The following MACROD2 variants were observed in gnomAD, a reference collection of about 807,000 sequenced individuals.
MACROD2 encodes the protein mono-ADP ribosylhydrolase 2.
A neutral mutation model predicts 70.4 loss-of-function variants in MACROD2; 36 were observed. That is an observed-to-expected ratio of 0.51 (90% CI 0.39 to 0.68). MACROD2 has a LOEUF of 0.68. Among genes scored for constraint, MACROD2 ranks in the 30% least tolerant of loss-of-function variants. MACROD2 has a pLI of 0.00. For synonymous variants in MACROD2, 172 were observed against 178.8 expected, an observed-to-expected ratio of 0.96 and a Z score of 0.30; for missense variants, 496 against 538.4, an observed-to-expected ratio of 0.92 and a Z score of 0.78.
At chr20:15,800,827 C>T (rs1358381083) in intron 8 of MACROD2, among the ~76,000 whole-genome samples, 1 of 151,906 alleles carries the variant, frequency 6.6e-6, no homozygotes, top group Non-Finnish European at 1.5e-5. Flanking sequence ...GGAGACTTTT[C>T]ATTTTGTTCT....
intron 3 of MACROD2, among the ~76,000 whole-genome samples, chr20:14,409,212 G>A (rs1415445464): frequency 1.4e-5 from 2 of 143,800 alleles, no homozygotes; most frequent in African/African-American, 5.2e-5. Flanking sequence ...TAGGTCCTCA[G>A]TAAATGTTTA....
intron 4 of MACROD2, among the ~76,000 whole-genome samples, chr20:14,546,123 A>G (rs1204603616): frequency 6.6e-6 from 1 of 152,210 alleles, no homozygotes; most frequent in African/African-American, 2.4e-5. Flanking sequence ...TCTCCCTATT[A>G]ATTTTCAAAG....
At chr20:14,469,706 G>T (rs2084503938) in intron 3 of MACROD2, among the ~76,000 whole-genome samples, 1 of 151,304 alleles carries the variant, frequency 6.6e-6, no homozygotes. Context: ...CCTTTCTTCT[G>T]CTTGATCAAT....
chr20:15,831,064 A>G (rs898780237), intron 8 of MACROD2, among the ~76,000 whole-genome samples: 1 of 152,208 alleles, frequency 6.6e-6, no homozygotes, highest in Non-Finnish European at 1.5e-5. Flanking sequence ...GAATTTTGAA[A>G]TATGAAGACA....
At chr20:14,794,245 GT>G (rs1284650131) in intron 5 of MACROD2, among the ~76,000 whole-genome samples, 7 of 152,102 alleles carry the variant, frequency 4.6e-5, no homozygotes, top group African/African-American at 1.7e-4. Context: ...AACATTTGTA[GT>G]TATATACTCA....
intron 5 of MACROD2, among the ~76,000 whole-genome samples, chr20:15,099,355 A>G (rs2075855598): frequency 6.6e-6 from 1 of 152,124 alleles, no homozygotes; most frequent in Admixed American, 6.6e-5. Context: ...CCTTAGAAGA[A>G]GTGCCCTTAT....
At chr20:14,985,685 CTTT>C (rs57486090) in intron 5 of MACROD2, among the ~76,000 whole-genome samples, 3 of 115,338 alleles carry the variant, frequency 2.6e-5, no homozygotes, top group Non-Finnish European at 2.0e-5. Flanking sequence ...TTCTCTTATT[CTTT>C]TTTTTTTTTT....
chr20:14,392,183 C>T (rs1194150243), intron 3 of MACROD2, among the ~76,000 whole-genome samples: 1 of 151,976 alleles, frequency 6.6e-6, no homozygotes, highest in Admixed American at 6.6e-5. Context: ...GATAATTGAA[C>T]TTGATATATT....
At chr20:15,572,902 G>T (rs1260660237) in intron 8 of MACROD2, among the ~76,000 whole-genome samples, 4 of 151,986 alleles carry the variant, frequency 2.6e-5, no homozygotes, top group Non-Finnish European at 5.9e-5. Flanking sequence ...TTTAACTACA[G>T]AAAAATTCAA....
At chr20:15,668,996 G>A (rs904545327) in intron 8 of MACROD2, among the ~76,000 whole-genome samples, 7 of 152,098 alleles carry the variant, frequency 4.6e-5, no homozygotes, top group African/African-American at 9.7e-5. Context: ...ACACATAAAC[G>A]TTAAAAACCC....
chr20:14,478,556 C>T (rs2084624826), intron 3 of MACROD2, among the ~76,000 whole-genome samples: 1 of 152,000 alleles, frequency 6.6e-6, no homozygotes, highest in Non-Finnish European at 1.5e-5. Flanking sequence ...ATTTGGGGTT[C>T]ACTTCATGAA....
At chr20:15,636,916 A>G (rs1462382332) in intron 8 of MACROD2, among the ~76,000 whole-genome samples, 1 of 152,180 alleles carries the variant, frequency 6.6e-6, no homozygotes, top group Non-Finnish European at 1.5e-5. Context: ...ACAGAGAGGT[A>G]AGAAATTTTT....
intron 3 of MACROD2, among the ~76,000 whole-genome samples, chr20:14,353,948 G>A (rs371663930): frequency 7.9e-5 from 12 of 152,106 alleles, no homozygotes; most frequent in African/African-American, 2.2e-4. Context: ...ATACCTTTAG[G>A]AAGGAAGAAG....
chr20:15,607,263 G>T (rs1403655571), intron 8 of MACROD2, among the ~76,000 whole-genome samples: 1 of 152,188 alleles, frequency 6.6e-6, no homozygotes, highest in Admixed American at 6.5e-5. Context: ...TATCCCCATT[G>T]CCTTCTGACA....
chr20:15,880,540 A>G (rs1435842945), intron 9 of MACROD2, among the ~76,000 whole-genome samples: 1 of 151,892 alleles, frequency 6.6e-6, no homozygotes, highest in African/African-American at 2.4e-5. Context: ...GTTAAGCTCT[A>G]AGCCAGTTAC....
At chr20:15,740,563 A>G (rs1343387679) in intron 8 of MACROD2, among the ~76,000 whole-genome samples, 4 of 152,092 alleles carry the variant, frequency 2.6e-5, no homozygotes, top group Admixed American at 6.5e-5. Context: ...TCCTAAAGCT[A>G]TACTTCTTGT....
At chr20:14,856,838 T>C (rs1033766335) in intron 5 of MACROD2, among the ~76,000 whole-genome samples, 1 of 152,088 alleles carries the variant, frequency 6.6e-6, no homozygotes, top group Admixed American at 6.6e-5. Context: ...ATCACCACAA[T>C]TGTATGGATA....
At chr20:15,672,936 T>C (rs545348610) in intron 8 of MACROD2, among the ~76,000 whole-genome samples, 1 of 152,284 alleles carries the variant, frequency 6.6e-6, no homozygotes, top group South Asian at 2.1e-4. Flanking sequence ...TCTGATGATT[T>C]TATAAAGGTG....
chr20:15,991,056 CA>C (rs11482051), intron 15 of MACROD2, among the ~76,000 whole-genome samples: 84,937 of 151,228 alleles, frequency 0.56, 24,537 homozygotes, highest in East Asian at 0.63. Context: ...CTAGGCCAGG[CA>C]AAAAAAAATC....
Sources: allele counts gnomAD v4.1 joint callset (sites outside exome capture counted in the v4.1 genomes callset), GRCh38; gene constraint gnomAD v4.1.1; transcripts MANE v1.5; gene names NCBI Gene and HGNC (gene_info 2026-07-23, HGNC 2026-07-21).